Variants in SS18 observed in about 807,000 individuals in gnomAD.
SS18 encodes protein SSXT.
A neutral mutation model predicts 72.5 loss-of-function variants in SS18; 28 were observed. The ratio of observed to expected loss-of-function variants is 0.39; its 90% CI spans 0.29 to 0.53. The LOEUF is 0.53. SS18 is among the 20% of genes least tolerant of loss of function. SS18 has a pLI of 0.76. For missense variants in SS18, 518 were observed against 535.3 expected (o/e 0.97, Z 0.32); for synonymous variants, 172 against 164.2 (o/e 1.05, Z -0.37).
chr18:26,039,168 C>CAAAA lies in SS18; in HGVS notation c.775+117_775+120dup, dbSNP rs34318951. ...TACTTACTAGAACCCTACCTTTTGT[C>CAAAA]AAAAAAAAAAAAAAAAAAAAAAAAA... On this transcript the variant is annotated intron_variant, in intron 6 of 10. Coordinates refer to ENST00000415083, the MANE Select transcript of SS18 (RefSeq NM_001007559.3). 2.5e-4 allele frequency: 63 copies of CAAAA among 251,626 alleles called. 2 individuals carry two copies. Among genetic ancestry groups the CAAAA allele is most frequent in the Middle Eastern group, 2.7e-3 (2 of 750 alleles). 15.6% of individuals were successfully genotyped at this position (251,626 alleles called of 1,614,324 possible). A position where few individuals can be genotyped will look rare whatever the true frequency, so the allele number is the denominator to read the frequency against.
chr18:26,050,183 C>T (rs1434921900), intron 5 of SS18, among the ~76,000 whole-genome samples: 7 of 150,926 alleles, frequency 4.6e-5, no homozygotes, highest in Admixed American at 6.6e-5. Context: ...AGCAGTGAGC[C>T]GAGACTGCAC....
At chr18:26,059,622 C>A (rs28504649) in intron 3 of SS18, among the ~76,000 whole-genome samples, 8,916 of 152,246 alleles carry the variant, frequency 0.059, 766 homozygotes, top group African/African-American at 0.19. Flanking sequence ...GAAGGGCCAG[C>A]TACTCCTTAA....
chr18:26,076,286 A>G (rs2144131283), intron 3 of SS18, among the ~76,000 whole-genome samples: 1 of 151,830 alleles, frequency 6.6e-6, no homozygotes, highest in African/African-American at 2.4e-5. Flanking sequence ...AAAAAAAAGG[A>G]ATAAGATTAA....
intron 3 of SS18, among the ~76,000 whole-genome samples, chr18:26,074,872 A>G (rs1351048591): frequency 6.6e-6 from 1 of 151,962 alleles, no homozygotes; most frequent in Non-Finnish European, 1.5e-5. Context: ...AAAATATTTC[A>G]AAGCAGAAGT....
At chr18:26,062,971 A>G (rs2054149944) in intron 3 of SS18, among the ~76,000 whole-genome samples, 1 of 152,238 alleles carries the variant, frequency 6.6e-6, no homozygotes, top group South Asian at 2.1e-4. Context: ...AGAAGAAAAA[A>G]AACCCTATGA....
At chr18:26,034,836 A>G (rs1224103388) in intron 9 of SS18, among the ~76,000 whole-genome samples, 169 bp downstream of exon 9, 3 of 152,220 alleles carry the variant, frequency 2.0e-5, no homozygotes, top group African/African-American at 7.2e-5. Flanking sequence ...ATGGATTACT[A>G]GTTTATCTAA....
intron 3 of SS18, 119 bp from the exon 4 acceptor site, chr18:26,057,861 G>T (rs967958489): frequency 3.2e-6 from 3 of 940,486 alleles, no homozygotes; most frequent in Admixed American, 3.1e-5. Flanking sequence ...AATGCATTTC[G>T]AATTCTTCTA....
chr18:26,026,405 C>T (rs981207460), intron 10 of SS18, among the ~76,000 whole-genome samples: 2 of 152,022 alleles, frequency 1.3e-5, no homozygotes, highest in African/African-American at 4.8e-5. Flanking sequence ...AACCATAATT[C>T]CCTCAATAGA....
At chr18:26,048,069 ATTAAGT>A (rs1449826240) in intron 5 of SS18, among the ~76,000 whole-genome samples, 1 of 152,228 alleles carries the variant, frequency 6.6e-6, no homozygotes, top group Non-Finnish European at 1.5e-5. Flanking sequence ...AATTGAAGAA[ATTAAGT>A]TTACAGTTTT....
chr18:26,071,092 G>A (rs894569280), intron 3 of SS18, among the ~76,000 whole-genome samples: 1 of 152,094 alleles, frequency 6.6e-6, no homozygotes, highest in Admixed American at 6.5e-5. Context: ...GGAAAAGTCT[G>A]AAGGGATTAA....
chr18:26,081,702 T>C (rs896904036), intron 2 of SS18, among the ~76,000 whole-genome samples: 1 of 149,738 alleles, frequency 6.7e-6, no homozygotes, highest in African/African-American at 2.6e-5. Context: ...AATATTTTTA[T>C]TCTATATATA....
rs575458512 is a variant in SS18 at position 26,025,183 on chromosome 18, A to C, written c.1231-6803T>G. Among the ~76,000 whole-genome samples the C allele has an allele frequency of 2.0e-4, 31 of 152,232 alleles. No homozygotes were observed. The East Asian group carries it at 5.2e-3, about 26-fold the overall frequency. ...GGTCAAAAAAGAAATAAAAAGTGAA[A>C]CCAGGATGTATTTTGAACTGATTAA... On this transcript the variant is annotated intron_variant, in intron 10 of 10. Coordinates refer to ENST00000415083, the MANE Select transcript of SS18 (RefSeq NM_001007559.3).
intron 3 of SS18, among the ~76,000 whole-genome samples, chr18:26,076,474 G>C (rs2054415255): frequency 1.3e-5 from 2 of 151,852 alleles, no homozygotes; most frequent in African/African-American, 4.8e-5. Flanking sequence ...AAATGAAACT[G>C]AACCTATTCC....
chr18:26,034,921 A>G (rs2053601611), intron 9 of SS18, 84 bp downstream of exon 9: 1 of 1,488,188 alleles, frequency 6.7e-7, no homozygotes, highest in Non-Finnish European at 9.0e-7. Context: ...TTCTTGTAAA[A>G]ATAAGTATTA....
intron 10 of SS18, among the ~76,000 whole-genome samples, chr18:26,023,119 A>G (rs2053381338): frequency 1.3e-5 from 2 of 152,244 alleles, no homozygotes; most frequent in Non-Finnish European, 2.9e-5. Context: ...ATCACCCAAC[A>G]TAAAATTCAC....
chr18:26,035,393 CAT>C lies in SS18; in HGVS notation c.974-268_974-267del, dbSNP rs1410612188. On this transcript the variant is annotated intron_variant, in intron 8 of 10. Transcript: ENST00000415083. This position sits in a 1 kb window ranked among gnomAD's most constrained non-coding sequence, Gnocchi z 4.4. The stretch of plus-strand genomic sequence containing the variant: ...ATTACATTTACTGGAACATCACAGT[CAT>C]AAGATCATGACTATGCTAAATAAAA... The C allele has an allele frequency of 6.0e-5, 25 of 418,586 alleles. No individual in the cohort carries two copies. The highest frequency in any genetic ancestry group is 1.1e-4 in the Non-Finnish European group (25 of 226,946). 25.9% of individuals were successfully genotyped at this position (418,586 alleles called of 1,614,324 possible).
At chr18:26,058,130 G>A (rs1262016356) in intron 3 of SS18, among the ~76,000 whole-genome samples, 2 of 152,168 alleles carry the variant, frequency 1.3e-5, no homozygotes, top group East Asian at 1.9e-4. Context: ...AAAAAATGAT[G>A]AAAGGACTCT....
At chr18:26,058,612 T>C (rs1054550926) in intron 3 of SS18, among the ~76,000 whole-genome samples, 23 of 152,254 alleles carry the variant, frequency 1.5e-4, no homozygotes, top group African/African-American at 5.5e-4. Flanking sequence ...CTGTATGCCT[T>C]TCCATTTTGT....
chr18:26,087,269 G>A (rs2054631527), intron 2 of SS18, among the ~76,000 whole-genome samples: 2 of 152,174 alleles, frequency 1.3e-5, no homozygotes, highest in Admixed American at 1.3e-4. Flanking sequence ...GTGGGGGATA[G>A]TGACTGCCAA....
Sources: allele counts gnomAD v4.1 joint callset (sites outside exome capture counted in the v4.1 genomes callset), GRCh38; gene constraint gnomAD v4.1.1; non-coding constraint Gnocchi (gnomAD v3.1); transcripts MANE v1.5; gene names NCBI Gene and HGNC (gene_info 2026-07-23, HGNC 2026-07-21).